The following KCNQ2 variants were observed in gnomAD, a reference collection of about 807,000 sequenced individuals.
KCNQ2 encodes potassium voltage-gated channel subfamily KQT member 2.
KCNQ2 carries 14 observed loss-of-function variants against 84.8 expected under a neutral mutation model. The ratio of observed to expected loss-of-function variants is 0.17; its 90% CI spans 0.11 to 0.26. KCNQ2 has a LOEUF of 0.26. KCNQ2 is among the 10% of genes least tolerant of loss of function. The probability of loss-of-function intolerance (pLI) is 1.00; values close to 1 mark genes in which losing one functional copy is unlikely to be tolerated. For synonymous variants in KCNQ2, 599 were observed against 554.1 expected, an observed-to-expected ratio of 1.08 and a Z score of -1.14; for missense variants, 788 against 1,254.0, an observed-to-expected ratio of 0.63 and a Z score of 5.61.
intron 8 of KCNQ2, among the ~76,000 whole-genome samples, chr20:63,432,008 C>CTCCA: frequency 6.8e-6 from 1 of 147,400 alleles, no homozygotes; most frequent in African/African-American, 2.5e-5. Context: ...TCAGGGAAGG[C>CTCCA]CCCATCCACA....
intron 11 of KCNQ2, chr20:63,423,782 CA>C: frequency 3.8e-6 from 1 of 260,488 alleles, no homozygotes. Context: ...TTGGAGCTTT[CA>C]CCCCAGCCGG....
At chr20:63,427,975 G>A (rs976141226) in intron 10 of KCNQ2, among the ~76,000 whole-genome samples, 1 of 152,226 alleles carries the variant, frequency 6.6e-6, no homozygotes, top group East Asian at 1.9e-4. Context: ...TCTGACAGCC[G>A]TGGGCTTTGG....
At chr20:63,411,994 A>T in intron 15 of KCNQ2, 2 of 644,562 alleles carry the variant, frequency 3.1e-6, no homozygotes, top group South Asian at 3.5e-5. Context: ...GGCTCCGTCG[A>T]AACAGGTGCT....
chr20:63,431,755 G>A (rs572614458), intron 8 of KCNQ2, among the ~76,000 whole-genome samples: 21 of 152,274 alleles, frequency 1.4e-4, no homozygotes, highest in African/African-American at 4.3e-4. Flanking sequence ...GAGGACTGCC[G>A]CGGGTCTGTC....
rs1310189430 is a variant in KCNQ2, at chr20:63,402,561, C to T, written c.*4083G>A. The stretch of plus-strand genomic sequence containing the variant: ...CCAGCTGGAGTCCTCCTCCCCTTCT[C>T]TCCGGCAGCAGGTCTCTCTGGCAGC... On this transcript the variant is annotated 3_prime_UTR_variant, in exon 17 of 17. Coordinates refer to ENST00000359125, the MANE Select transcript of KCNQ2 (RefSeq NM_172107.4). The T allele has an allele frequency of 2.6e-5, 4 of 152,580 alleles. No homozygotes were observed. Among genetic ancestry groups the T allele is most frequent in the African/African-American group, 9.6e-5 (4 of 41,472 alleles). 9.5% of individuals were successfully genotyped at this position (152,580 alleles called of 1,614,324 possible).
chr20:63,445,096 G>T, intron 3 of KCNQ2, 142 bp downstream of exon 3: 1 of 1,166,022 alleles, frequency 8.6e-7, no homozygotes. Context: ...CTCCAAGTCA[G>T]CAGGTGAAAA....
At chr20:63,439,087 G>A (rs1040382506) in intron 6 of KCNQ2, among the ~76,000 whole-genome samples, 1 of 152,206 alleles carries the variant, frequency 6.6e-6, no homozygotes, top group African/African-American at 2.4e-5. Context: ...CTTCCACACA[G>A]AAGAGTCTGC....
chr20:63,408,656 G>C lies in KCNQ2; in HGVS notation c.1764-120C>G, dbSNP rs901930632. 1 of 1,458,472 alleles carries C rather than the reference G, an allele frequency of 6.9e-7. No individual in the cohort carries two copies. Among genetic ancestry groups the C allele is most frequent in the African/African-American group, 1.4e-5 (1 of 71,732 alleles). 90.3% of individuals were successfully genotyped at this position (1,458,472 alleles called of 1,614,324 possible). On this transcript the variant is annotated intron_variant, in intron 15 of 16. Transcript: ENST00000359125. This position sits in a 1 kb window ranked among gnomAD's most constrained non-coding sequence, Gnocchi z 5.0. ...TAGGCTGCAGGCTCAGCCCAGAGCC[G>C]ACCAGGGGGCAGTGGGTGCCAGGAC...
chr20:63,436,260 A>G (rs375680329), intron 7 of KCNQ2, among the ~76,000 whole-genome samples: 29 of 152,156 alleles, frequency 1.9e-4, no homozygotes, highest in African/African-American at 2.7e-4. Flanking sequence ...AGCCGGGCGC[A>G]GTGGCTCACG....
intron 8 of KCNQ2, 136 bp downstream of exon 8, chr20:63,433,673 A>C: frequency 2.0e-6 from 3 of 1,537,100 alleles, no homozygotes; most frequent in Non-Finnish European, 2.7e-6. Flanking sequence ...AACCACACAC[A>C]GAACTCCTTT....
In KCNQ2 at chr20:63,438,042, T is replaced by G. The variant is rs1373007594; in HGVS notation, c.1023+583A>C. On this transcript the variant is annotated intron_variant, in intron 7 of 16. Transcript: ENST00000359125. The surrounding 1 kb of genome is among the most constrained non-coding windows in gnomAD (Gnocchi z 5.1). Reference sequence around the variant, plus strand: ...CCAGGCTGGTCTTGATTTCCTGACCTCGTGATCCTCCCACCTCGGCCTCCC... The same window carrying G: ...CCAGGCTGGTCTTGATTTCCTGACCGCGTGATCCTCCCACCTCGGCCTCCC... Among the ~76,000 whole-genome samples, 1 of 152,152 alleles carries G rather than the reference T, an allele frequency of 6.6e-6. No homozygotes were observed. The highest frequency in any genetic ancestry group is 1.9e-4 in the East Asian group (1 of 5,188).
chr20:63,407,266 G>A lies in KCNQ2; in HGVS notation c.1997C>T (p.Pro666Leu), dbSNP rs762130930. ...EAYFGAKEPE[P>L]APPYHSPEDS... The stretch of plus-strand genomic sequence containing the variant: ...TTCCGGGCTGTGGTACGGCGGCGCC[G>A]GCTCCGGCTCTTTGGCCCCAAAGTA... The change falls in exon 17 of 17, where the codon CCG (proline) becomes CTG (leucine). Residue 666 changes from proline (P) to leucine (L), a missense_variant. This residue lies in a region of KCNQ2 where 378 missense variants were observed against 434.5 expected (regional missense o/e 0.87). Transcript: ENST00000359125. This position sits in a 1 kb window ranked among gnomAD's most constrained non-coding sequence, Gnocchi z 7.2. The A allele has an allele frequency of 1.2e-5, 19 of 1,596,826 alleles. No individual in the cohort carries two copies. The highest frequency in any genetic ancestry group is 2.2e-5 in the South Asian group (2 of 91,010).
intron 11 of KCNQ2, chr20:63,422,702 T>G (rs1390331239): frequency 1.3e-5 from 2 of 152,014 alleles, no homozygotes; most frequent in Non-Finnish European, 2.9e-5. Context: ...GTAACAGGGA[T>G]TAAAGCACTT....
At chr20:63,470,522 G>T (rs1055604324) in intron 1 of KCNQ2, among the ~76,000 whole-genome samples, 1 of 152,264 alleles carries the variant, frequency 6.6e-6, no homozygotes, top group Non-Finnish European at 1.5e-5. Flanking sequence ...CGCAGGCCCA[G>T]GCAGGGGGCG....
At chr20:63,432,728 CT>C (rs2080858874) in intron 8 of KCNQ2, among the ~76,000 whole-genome samples, 2 of 109,230 alleles carry the variant, frequency 1.8e-5, no homozygotes, top group Non-Finnish European at 2.3e-5. Flanking sequence ...TCAGGGAAGG[CT>C]CCACCCTCAG....
In KCNQ2 at chr20:63,425,906, A is replaced by G. The variant is rs552519875; in HGVS notation, c.1218-1700T>C. ...CTGCTTAAAGTATCAACAGCAGGAC[A>G]GCTCTTCCCACTCAAAAAGGGAGAA... On this transcript the variant is annotated intron_variant, in intron 10 of 16. Transcript: ENST00000359125. This position sits in a 1 kb window ranked among gnomAD's most constrained non-coding sequence, Gnocchi z 5.5. 6.6e-6 allele frequency among the ~76,000 whole-genome samples: 1 copy of G among 152,312 alleles called. No homozygotes were observed. Among genetic ancestry groups the G allele is most frequent in the East Asian group, 1.9e-4 (1 of 5,186 alleles).
intron 4 of KCNQ2, among the ~76,000 whole-genome samples, chr20:63,444,277 A>G (rs1330795045): frequency 6.6e-6 from 1 of 152,234 alleles, no homozygotes; most frequent in Admixed American, 6.5e-5. Context: ...GCCGCAGCTT[A>G]AACAACCACC....
intron 11 of KCNQ2, among the ~76,000 whole-genome samples, chr20:63,420,997 C>T (rs1485919605): frequency 2.0e-5 from 3 of 152,146 alleles, no homozygotes; most frequent in African/African-American, 7.2e-5. Context: ...TACGATGACA[C>T]CCAGGCCTTC....
Position 63,472,580 on chromosome 20 carries a change from G to T in KCNQ2, c.-117C>A. On this transcript the variant is annotated 5_prime_UTR_variant, in exon 1 of 17. Transcript: ENST00000359125. ...CGGGAGCCGCATGGCCGAGGCGGCGGTTCCGCACTCCTGCCGGGCTTGGGC... is the reference window on the plus strand; with the variant it reads ...CGGGAGCCGCATGGCCGAGGCGGCGTTTCCGCACTCCTGCCGGGCTTGGGC... The T allele has an allele frequency of 1.1e-6, 1 of 896,250 alleles. No individual in the cohort carries two copies. Among genetic ancestry groups the T allele is most frequent in the Non-Finnish European group, 1.4e-6 (1 of 702,948 alleles). The allele number at this position is 896,250 out of a possible 1,614,324, so 55.5% of individuals were successfully genotyped here. A position where few individuals can be genotyped will look rare whatever the true frequency, so the allele number is the denominator to read the frequency against.
Sources: allele counts gnomAD v4.1 joint callset (sites outside exome capture counted in the v4.1 genomes callset), GRCh38; gene constraint gnomAD v4.1.1; regional missense constraint gnomAD v4.1.1; non-coding constraint Gnocchi (gnomAD v3.1); transcripts MANE v1.5; gene names NCBI Gene and HGNC (gene_info 2026-07-23, HGNC 2026-07-21).